The following FAM76A variants were observed in gnomAD, a reference collection of about 807,000 sequenced individuals.
FAM76A encodes family with sequence similarity 76 member A.
A neutral mutation model predicts 46.2 loss-of-function variants in FAM76A; 32 were observed. The ratio of observed to expected loss-of-function variants is 0.69; its 90% confidence interval spans 0.52 to 0.93. FAM76A has a LOEUF of 0.93. Ranked by LOEUF, FAM76A falls within the 40% of genes least tolerant of loss-of-function variation. The probability of loss-of-function intolerance (pLI) is 0.00; values close to 1 mark genes in which losing one functional copy is unlikely to be tolerated. For missense variants in FAM76A, 274 were observed against 361.5 expected, an observed-to-expected ratio of 0.76 and a Z score of 1.96; for synonymous variants, 137 against 127.0, an observed-to-expected ratio of 1.08 and a Z score of -0.53.
chr1:27,727,969 G>T (rs566386692), intron 2 of FAM76A, among the ~76,000 whole-genome samples: 1 of 151,738 alleles, frequency 6.6e-6, no homozygotes, highest in Non-Finnish European at 1.5e-5. Context: ...CACCATGTCC[G>T]GCTAGTTTTT....
intron 4 of FAM76A, among the ~76,000 whole-genome samples, chr1:27,737,868 C>CAAAAAAAAAAAA (rs71571865): frequency 1.1e-3 from 69 of 62,644 alleles, no homozygotes; most frequent in Non-Finnish European, 1.4e-3. Flanking sequence ...ACAACAACAA[C>CAAAAAAAAAAAA]AAAAAAAAAA....
At chr1:27,749,747 T>G (rs986620407) in intron 6 of FAM76A, among the ~76,000 whole-genome samples, 2 of 152,198 alleles carry the variant, frequency 1.3e-5, no homozygotes, top group Non-Finnish European at 2.9e-5. Flanking sequence ...GGAGTTGATC[T>G]TGAGAGGTAA....
At chr1:27,747,335 TAAG>T (rs917765383) in intron 5 of FAM76A, among the ~76,000 whole-genome samples, 32 of 152,194 alleles carry the variant, frequency 2.1e-4, no homozygotes, top group Admixed American at 2.6e-4. Flanking sequence ...TTTTAGGAAC[TAAG>T]AAGCAGCTGT....
chr1:27,741,072 C>G (rs2088143449), intron 4 of FAM76A, among the ~76,000 whole-genome samples: 1 of 149,932 alleles, frequency 6.7e-6, no homozygotes, highest in African/African-American at 2.5e-5. Flanking sequence ...GCGGAGGTTG[C>G]AGTGAGCCGA....
intron 2 of FAM76A, among the ~76,000 whole-genome samples, chr1:27,728,519 ATTT>A (rs1434291489): frequency 6.6e-6 from 1 of 151,926 alleles, no homozygotes; most frequent in Non-Finnish European, 1.5e-5. Flanking sequence ...CGCCCAGCTA[ATTT>A]TTTTATTTTT....
chr1:27,744,357 G>C (rs2088206190), intron 4 of FAM76A, among the ~76,000 whole-genome samples: 1 of 152,100 alleles, frequency 6.6e-6, no homozygotes, highest in Admixed American at 6.6e-5. Context: ...TCAATCTCCT[G>C]ACCTCGTGAT....
At chr1:27,733,993 A>C (rs780492155) in intron 3 of FAM76A, 38 bp from the exon 4 acceptor site, 14 of 1,577,880 alleles carry the variant, frequency 8.9e-6, no homozygotes, top group South Asian at 1.2e-5. Context: ...GTATTTTATG[A>C]AAGTAATACT....
Position 27,755,286 on chromosome 1 carries a change from A to T in FAM76A, c.691A>T (p.Met231Leu). Residue 231 changes from methionine to leucine, a missense_variant, in exon 7 of 9, where the codon ATG (methionine) becomes TTG (leucine). By Grantham distance (15) the Met-to-Leu change is conservative. Transcript: ENST00000373954. ...GGAAGAAGTGGCTACCCTGAAGAAG[A>T]TGTTGCATCAAAAGGATCAAATGAT... ...LKEEVATLKK[M>L]LHQKDQMILE... is the part of the protein sequence containing the mutation. 1.2e-6 allele frequency: 2 copies of T among 1,614,206 alleles called. No homozygotes were observed. Among genetic ancestry groups the T allele is most frequent in the East Asian group, 2.2e-5 (1 of 44,894 alleles).
At position 27,744,744 on chromosome 1, in the gene FAM76A, T is replaced by A. The variant is rs754235619; in HGVS notation, c.445T>A (p.Ser149Thr). The change falls in exon 5 of 9, where the codon TCT becomes ACT. Residue 149 changes from serine (S) to threonine (T), a missense_variant. Physicochemically the swap from Ser to Thr is moderately conservative, Grantham distance 58 (BLOSUM62 1). Coordinates refer to ENST00000373954, the MANE Select transcript of FAM76A (RefSeq NM_152660.3). The part of the protein sequence containing the change: ...TKEQRKHLSS[S>T]SRAGHQEKEQ... ...AGAGCAGAGGAAACACCTGAGTAGCTCTTCTCGTGCTGGCCACCAGGAGAA... is the reference window on the plus strand; with the variant it reads ...AGAGCAGAGGAAACACCTGAGTAGCACTTCTCGTGCTGGCCACCAGGAGAA... 3 of 1,614,024 alleles carry A rather than the reference T, an allele frequency of 1.9e-6. No homozygotes were observed. Among genetic ancestry groups the A allele is most frequent in the Non-Finnish European group, 2.5e-6 (3 of 1,180,040 alleles).
rs1384872363 is a variant in FAM76A at position 27,762,351 on chromosome 1, A to C, written c.*1770A>C. On this transcript the variant is annotated 3_prime_UTR_variant, in exon 9 of 9. Coordinates refer to ENST00000373954, the MANE Select transcript of FAM76A (RefSeq NM_152660.3). ...GAAACAACAAAACCAACTACCCTAG[A>C]ATCATTTATGCAGGGGGTACTAGAG... 1 of 152,196 alleles carries C rather than the reference A, an allele frequency of 6.6e-6. No homozygotes were observed. Among genetic ancestry groups the C allele is most frequent in the East Asian group, 1.9e-4 (1 of 5,202 alleles). 9.4% of individuals were successfully genotyped at this position (152,196 alleles called of 1,614,324 possible). A position where few individuals can be genotyped will look rare whatever the true frequency, so the allele number is the denominator to read the frequency against.
chr1:27,738,575 G>A (rs1227940280), intron 4 of FAM76A, among the ~76,000 whole-genome samples: 1 of 152,054 alleles, frequency 6.6e-6, no homozygotes, highest in Non-Finnish European at 1.5e-5. Context: ...TGGTTTCAAA[G>A]TTCATTGTTA....
intron 7 of FAM76A, among the ~76,000 whole-genome samples, chr1:27,756,178 C>T (rs2088406427): frequency 6.6e-6 from 1 of 152,182 alleles, no homozygotes; most frequent in African/African-American, 2.4e-5. Flanking sequence ...CTTCCTCTTC[C>T]CTGAACAGCG....
At chr1:27,750,896 C>T (rs979258158) in intron 6 of FAM76A, among the ~76,000 whole-genome samples, 1 of 152,238 alleles carries the variant, frequency 6.6e-6, no homozygotes, top group African/African-American at 2.4e-5. Flanking sequence ...TGACCAGGCA[C>T]AGTCGTTCAC....
intron 2 of FAM76A, among the ~76,000 whole-genome samples, chr1:27,731,843 C>T (rs189065546): frequency 1.4e-4 from 21 of 151,728 alleles, no homozygotes; most frequent in Admixed American, 2.6e-4. Context: ...TTTTTTGAGA[C>T]GGAGTTTTGC....
chr1:27,737,758 G>T (rs2088074926), intron 4 of FAM76A, among the ~76,000 whole-genome samples: 1 of 151,404 alleles, frequency 6.6e-6, no homozygotes, highest in Non-Finnish European at 1.5e-5. Context: ...AGGCTGAGGT[G>T]GGAGAATCGC....
intron 1 of FAM76A, 44 bp from the exon 2 acceptor site, chr1:27,727,428 C>T: frequency 1.3e-6 from 2 of 1,552,596 alleles, no homozygotes; most frequent in Non-Finnish European, 1.8e-6. Flanking sequence ...AGGCTGTTTC[C>T]ATTTGTGACT....
At chr1:27,739,230 C>A (rs927166630) in intron 4 of FAM76A, 4 of 493,328 alleles carry the variant, frequency 8.1e-6, no homozygotes, top group Non-Finnish European at 1.6e-5. Flanking sequence ...CATGCTGAAC[C>A]AGGGGCTGAA....
At position 27,726,069 on chromosome 1, in the gene FAM76A, C is replaced by A; in HGVS notation, c.-12C>A. ...CGGGCCGGCGGGTCGGTGAGCGCGG[C>A]CCGGGCCGGACATGGCGGCGCTCTA... is the stretch of plus-strand genomic sequence containing the variant. On this transcript the variant is annotated 5_prime_UTR_variant, in exon 1 of 9. Coordinates refer to ENST00000373954, the MANE Select transcript of FAM76A (RefSeq NM_152660.3). 1 of 1,247,838 alleles carries A rather than the reference C, an allele frequency of 8.0e-7. No individual in the cohort carries two copies. Among genetic ancestry groups the A allele is most frequent in the Non-Finnish European group, 1.0e-6 (1 of 996,938 alleles). 77.3% of individuals were successfully genotyped at this position (1,247,838 alleles called of 1,614,324 possible). A position where few individuals can be genotyped will look rare whatever the true frequency, so the allele number is the denominator to read the frequency against.
At chr1:27,760,372 G>A (rs2088483997) in intron 8 of FAM76A, 123 bp from the exon 9 acceptor site, 1 of 697,432 alleles carries the variant, frequency 1.4e-6, no homozygotes. Context: ...TCCACCTCTA[G>A]AATTGTTCAT....
Sources: gnomAD v4.1 joint callset for allele counts (sites outside exome capture counted in the v4.1 genomes callset) on GRCh38, gnomAD v4.1.1 for gene constraint, MANE v1.5 for transcripts, NCBI Gene and HGNC (gene_info 2026-07-23, HGNC 2026-07-21) for gene names.